Variants in SFSWAP observed in about 807,000 individuals in gnomAD.
SFSWAP encodes splicing factor SWAP.
SFSWAP carries 17 observed loss-of-function variants against 100.7 expected under a neutral mutation model. The observed-to-expected ratio is 0.17, with a 90% CI of 0.12 to 0.25. The LOEUF (loss-of-function observed/expected upper bound fraction) is 0.25. Ranked by LOEUF, SFSWAP falls within the 10% of genes least tolerant of loss-of-function variation. SFSWAP has a pLI of 1.00. For missense variants in SFSWAP, 1,005 were observed against 1,262.6 expected, an observed-to-expected ratio of 0.80 and a Z score of 3.09; for synonymous variants, 504 against 510.1, an observed-to-expected ratio of 0.99 and a Z score of 0.16.
At position 131,764,699 on chromosome 12, in the gene SFSWAP, CT is replaced by C. The variant is rs886731955; in HGVS notation, c.1951+17del. On this transcript the variant is annotated intron_variant, in intron 12 of 17. Coordinates refer to ENST00000261674, the MANE Select transcript of SFSWAP (RefSeq NM_004592.4). ...GAAGCAAAGCAAGGTTTGTTGATAG[CT>C]TTTAAACTTCTTGAAAGAAAGGAAA... 5.8e-6 allele frequency: 9 copies of C among 1,558,062 alleles called. No individual in the cohort carries two copies. The African/African-American group carries it at 8.2e-5, about 14-fold the overall frequency.
Position 131,764,603 on chromosome 12 carries a change from C to G in SFSWAP, c.1868C>G (p.Thr623Ser). The change falls in exon 12 of 18, where the codon ACT (threonine) becomes AGT (serine). Residue 623 changes from threonine to serine, a missense_variant. Thr to Ser is a moderately conservative substitution (Grantham distance 58). This residue lies in a region of SFSWAP where 82 missense variants were observed against 131.0 expected (regional missense o/e 0.63). Coordinates refer to ENST00000261674, the MANE Select transcript of SFSWAP (RefSeq NM_004592.4). ...GAAAGTTCTAGTAGTGCTGCAAACA[C>G]TAACCCAGCAGTTGCCCCACCCTGT... ...GQESSSSAAN[T>S]NPAVAPPCVV... The G allele has an allele frequency of 6.2e-7, 1 of 1,614,230 alleles. No homozygotes were observed. Among genetic ancestry groups the G allele is most frequent in the South Asian group, 1.1e-5 (1 of 91,088 alleles).
intron 15 of SFSWAP, among the ~76,000 whole-genome samples, chr12:131,795,420 C>A (rs891612426): frequency 6.6e-6 from 1 of 152,214 alleles, no homozygotes; most frequent in African/African-American, 2.4e-5. Context: ...TCGGGGCTGT[C>A]CCTACCAGGG....
At chr12:131,755,304 A>G (rs1882054789) in intron 9 of SFSWAP, 82 bp from the exon 10 acceptor site, 1 of 944,254 alleles carries the variant, frequency 1.1e-6, no homozygotes, top group Admixed American at 1.8e-5. Context: ...GAGATCAGTA[A>G]AGAGCTAGGA....
chr12:131,763,865 G>A (rs975313610), intron 11 of SFSWAP, among the ~76,000 whole-genome samples: 4 of 150,300 alleles, frequency 2.7e-5, no homozygotes, highest in Admixed American at 6.6e-5. Context: ...AGTGGCTCAC[G>A]TCTATAATCC....
intron 15 of SFSWAP, chr12:131,796,506 C>G (rs1885686101): frequency 6.6e-6 from 1 of 152,292 alleles, no homozygotes; most frequent in African/African-American, 2.4e-5. Context: ...GAGCTGCTGC[C>G]CACAGAGCAG....
chr12:131,774,458 A>C (rs1883856719), intron 13 of SFSWAP, among the ~76,000 whole-genome samples: 1 of 152,186 alleles, frequency 6.6e-6, no homozygotes, highest in Non-Finnish European at 1.5e-5. Context: ...GGCCGGCGGT[A>C]AGCTGTTAAT....
At chr12:131,764,831 G>A in intron 12 of SFSWAP, 145 bp downstream of exon 12, 1 of 640,852 alleles carries the variant, frequency 1.6e-6, no homozygotes, top group Non-Finnish European at 2.7e-6. Flanking sequence ...TAACATGTCT[G>A]AGGTTTTGAA....
rs377430141 is a variant in SFSWAP, at chr12:131,797,217, G to A, written c.2574G>A (p.Ser858=). 43 of 1,611,796 alleles carry A rather than the reference G, an allele frequency of 2.7e-5. No homozygotes were observed. Among genetic ancestry groups the A allele is most frequent in the South Asian group, 2.2e-4 (20 of 91,060 alleles). Residue 858 remains serine (S), a synonymous_variant, in exon 16 of 18, where the codon TCG becomes TCA. Transcript: ENST00000261674. ...AGAAGAAGAAGAGGCGGTCCCGGTCGCGGACCAAGTCCAAGGCCAGGTCTC... is the reference window on the plus strand; with the variant it reads ...AGAAGAAGAAGAGGCGGTCCCGGTCACGGACCAAGTCCAAGGCCAGGTCTC... The part of the protein sequence containing the change: ...HEKKKKRRSR[S]RTKSKARSQS...
chr12:131,778,578 T>C lies in SFSWAP; in HGVS notation c.2408+248T>C, dbSNP rs1365961475. Among the ~76,000 whole-genome samples the C allele has an allele frequency of 1.3e-5, 2 of 152,202 alleles. No individual in the cohort carries two copies. The highest frequency in any genetic ancestry group is 4.8e-5 in the African/African-American group (2 of 41,450). ...TGTTGCCCAGGCTAGAGTGCAGTGG[T>C]GCGATCTTGGCTCACTGCAACCTCC... On this transcript the variant is annotated intron_variant, in intron 14 of 17. Coordinates refer to ENST00000261674, the MANE Select transcript of SFSWAP (RefSeq NM_004592.4). The surrounding 1 kb of genome is among the most constrained non-coding windows in gnomAD (Gnocchi z 4.2).
chr12:131,754,240 C>T (rs1229532725), intron 8 of SFSWAP, 128 bp from the exon 9 acceptor site: 2 of 548,956 alleles, frequency 3.6e-6, no homozygotes, highest in Non-Finnish European at 5.9e-6. Context: ...ACAAGAGCCT[C>T]CCCTAACACA....
At chr12:131,775,105 C>T (rs1420212313) in intron 13 of SFSWAP, among the ~76,000 whole-genome samples, 4 of 152,188 alleles carry the variant, frequency 2.6e-5, no homozygotes, top group Non-Finnish European at 5.9e-5. Context: ...TCCATCTCCC[C>T]TCTGTTTTAA....
intron 14 of SFSWAP, among the ~76,000 whole-genome samples, chr12:131,779,819 T>C (rs1884355382): frequency 6.6e-6 from 1 of 152,260 alleles, no homozygotes; most frequent in African/African-American, 2.4e-5. Context: ...GAGTTTTTGC[T>C]CTTGTTTCCC....
intron 11 of SFSWAP, among the ~76,000 whole-genome samples, chr12:131,762,860 A>C (rs964195966): frequency 6.6e-6 from 1 of 152,176 alleles, no homozygotes; most frequent in African/African-American, 2.4e-5. Flanking sequence ...TGGCCTCCCA[A>C]AGTGCTGGGA....
At chr12:131,731,281 A>G (rs1437572966) in intron 7 of SFSWAP, among the ~76,000 whole-genome samples, 1 of 152,130 alleles carries the variant, frequency 6.6e-6, no homozygotes, top group Non-Finnish European at 1.5e-5. Context: ...CCATTCCAGA[A>G]TCTGCAGAGG....
At chr12:131,765,048 G>A (rs1319219590) in intron 12 of SFSWAP, among the ~76,000 whole-genome samples, 2 of 152,202 alleles carry the variant, frequency 1.3e-5, no homozygotes, top group African/African-American at 4.8e-5. Flanking sequence ...ACCAAACTAG[G>A]AGATGCCCTC....
intron 3 of SFSWAP, among the ~76,000 whole-genome samples, chr12:131,718,238 GAGATCTTTGCAAATTATTGATCGCTTCA>G (rs537324278): frequency 2.6e-5 from 4 of 152,290 alleles, no homozygotes; most frequent in Non-Finnish European, 5.9e-5. Context: ...GGTTTGACAG[GAGATCTTTGCAAATTATTGATCGCTTCA>G]AGAGCCTTTA....
chr12:131,719,849 G>T (rs777089771), intron 4 of SFSWAP, among the ~76,000 whole-genome samples: 1 of 152,186 alleles, frequency 6.6e-6, no homozygotes, highest in African/African-American at 2.4e-5. Context: ...TGGCGAGTGG[G>T]CTGCTCCCCA....
rs771596560 is a variant in SFSWAP at position 131,753,166 on chromosome 12, C to T, written c.1125C>T (p.Asp375=). The T allele has an allele frequency of 1.6e-5, 26 of 1,614,006 alleles. No homozygotes were observed. The highest frequency in any genetic ancestry group is 6.7e-5 in the East Asian group (3 of 44,894). The change falls in exon 8 of 18, where the codon GAC becomes GAT. Residue 375 remains aspartate (D), a synonymous_variant. Coordinates refer to ENST00000261674, the MANE Select transcript of SFSWAP (RefSeq NM_004592.4). The part of the protein sequence containing the change: ...AMYYSYYMLP[D]GTYCLAPPPP... Reference sequence around the variant, plus strand: ...ATTACAGCTACTACATGCTACCGGACGGCACTTACTGCCTGGCGCCGCCCC... The same window carrying T: ...ATTACAGCTACTACATGCTACCGGATGGCACTTACTGCCTGGCGCCGCCCC...
At chr12:131,783,179 T>TAAAA (rs555914355) in intron 14 of SFSWAP, among the ~76,000 whole-genome samples, 1 of 124,628 alleles carries the variant, frequency 8.0e-6, no homozygotes, top group Non-Finnish European at 1.7e-5. Context: ...AGACTCCGTC[T>TAAAA]AAAAAAAAAA....
Sources: gnomAD v4.1 joint callset for allele counts (sites outside exome capture counted in the v4.1 genomes callset) on GRCh38, gnomAD v4.1.1 for gene constraint, gnomAD v4.1.1 regional missense constraint, Gnocchi (gnomAD v3.1) non-coding constraint, MANE v1.5 for transcripts, NCBI Gene and HGNC (gene_info 2026-07-23, HGNC 2026-07-21) for gene names.